Variants in SCAPER observed in about 807,000 individuals in gnomAD.
SCAPER encodes S-phase cyclin A associated protein in the ER, also known as S phase cyclin A-associated protein in the endoplasmic reticulum.
A neutral mutation model predicts 182.2 loss-of-function variants in SCAPER; 98 were observed. The observed-to-expected ratio is 0.54, with a 90% CI of 0.46 to 0.64. The LOEUF is 0.64. Among genes scored for constraint, SCAPER ranks in the 30% least tolerant of loss-of-function variants. The probability of loss-of-function intolerance (pLI) is 0.00; values close to 1 mark genes in which losing one functional copy is unlikely to be tolerated. For missense variants in SCAPER, 1,432 were observed against 1,690.0 expected, an observed-to-expected ratio of 0.85 and a Z score of 2.68; for synonymous variants, 605 against 564.6, an observed-to-expected ratio of 1.07 and a Z score of -1.01.
intron 4 of SCAPER, among the ~76,000 whole-genome samples, chr15:76,845,038 G>A (rs781676121): frequency 2.0e-5 from 3 of 152,118 alleles, no homozygotes; most frequent in African/African-American, 7.2e-5. Flanking sequence ...ATGACCAAGT[G>A]TGACTTATCC....
chr15:76,880,833 A>T (rs2073487023), intron 2 of SCAPER, among the ~76,000 whole-genome samples: 1 of 152,174 alleles, frequency 6.6e-6, no homozygotes, highest in Non-Finnish European at 1.5e-5. Flanking sequence ...ATAAAAGATA[A>T]ATCAAACATT....
chr15:76,444,978 A>T (rs953210269), intron 25 of SCAPER, among the ~76,000 whole-genome samples: 1 of 152,076 alleles, frequency 6.6e-6, no homozygotes, highest in Non-Finnish European at 1.5e-5. Flanking sequence ...GTTATTCTTT[A>T]TATCTTCTAT....
chr15:76,711,604 A>G lies in SCAPER; in HGVS notation c.2166-5620T>C, dbSNP rs74646182. 8.2e-3 allele frequency among the ~76,000 whole-genome samples: 1,241 copies of G among 152,120 alleles called. 13 individuals carry two copies. Among genetic ancestry groups the G allele is most frequent in the African/African-American group, 0.028 (1,177 of 41,548 alleles). The stretch of plus-strand genomic sequence containing the variant: ...ATGTAAAATGAACAAACACTATGAA[A>G]AAATAGTTTTTAATGATTGCCATTC... On this transcript the variant is annotated intron_variant, in intron 17 of 31. Coordinates refer to ENST00000563290, the MANE Select transcript of SCAPER (RefSeq NM_020843.4).
intron 8 of SCAPER, chr15:76,793,125 TG>T: frequency 1.5e-6 from 1 of 656,350 alleles, no homozygotes. Flanking sequence ...GAACATTAAA[TG>T]CATGTGGTCA....
intron 25 of SCAPER, among the ~76,000 whole-genome samples, chr15:76,452,874 G>A (rs762266443): frequency 1.3e-5 from 2 of 151,944 alleles, no homozygotes; most frequent in Admixed American, 1.3e-4. Context: ...AGAGTTGCCC[G>A]GGGTAGAATG....
At chr15:76,511,285 A>C (rs572671472) in intron 23 of SCAPER, among the ~76,000 whole-genome samples, 4 of 152,222 alleles carry the variant, frequency 2.6e-5, no homozygotes, top group Non-Finnish European at 5.9e-5. Flanking sequence ...TAAATAAAAT[A>C]GTAGATGCAA....
chr15:76,594,936 C>T (rs1291059854), intron 22 of SCAPER, among the ~76,000 whole-genome samples: 1 of 121,330 alleles, frequency 8.2e-6, no homozygotes, highest in Non-Finnish European at 2.0e-5. Context: ...GCAAGACAAC[C>T]AGCTAGAATA....
chr15:76,352,514 C>T (rs941402975), intron 30 of SCAPER, among the ~76,000 whole-genome samples: 1 of 146,512 alleles, frequency 6.8e-6, no homozygotes, highest in South Asian at 2.1e-4. Context: ...TGGAGTCTCG[C>T]TCTGTCACTC....
chr15:76,540,719 T>C (rs1487879019), intron 23 of SCAPER, among the ~76,000 whole-genome samples: 2 of 152,016 alleles, frequency 1.3e-5, no homozygotes, highest in East Asian at 1.9e-4. Flanking sequence ...ACATGTATTA[T>C]AGTAATAATA....
chr15:76,545,085 T>C (rs1361813734), intron 23 of SCAPER, among the ~76,000 whole-genome samples: 1 of 152,178 alleles, frequency 6.6e-6, no homozygotes, highest in Non-Finnish European at 1.5e-5. Flanking sequence ...CTTAGTACCC[T>C]AGAAACCTTC....
At chr15:76,498,774 A>C (rs1047407109) in intron 24 of SCAPER, among the ~76,000 whole-genome samples, 1 of 152,214 alleles carries the variant, frequency 6.6e-6, no homozygotes, top group Non-Finnish European at 1.5e-5. Flanking sequence ...AAGTAAAGTC[A>C]CAAGTTTTAC....
At chr15:76,716,936 A>T (rs554530943) in intron 17 of SCAPER, among the ~76,000 whole-genome samples, 36 of 152,084 alleles carry the variant, frequency 2.4e-4, no homozygotes, top group Non-Finnish European at 2.4e-4. Flanking sequence ...AAGCTCAAAG[A>T]TCTCAGATAA....
intron 24 of SCAPER, among the ~76,000 whole-genome samples, chr15:76,501,278 T>C (rs995069227): frequency 1.3e-5 from 2 of 149,594 alleles, no homozygotes; most frequent in Non-Finnish European, 3.0e-5. Flanking sequence ...CAAAACAACC[T>C]ACTGCAGACT....
At chr15:76,444,044 G>T (rs1429668285) in intron 25 of SCAPER, among the ~76,000 whole-genome samples, 1 of 152,178 alleles carries the variant, frequency 6.6e-6, no homozygotes, top group Non-Finnish European at 1.5e-5. Context: ...TTTTGAGAAG[G>T]TTAGCCAGAG....
At chr15:76,559,121 G>T (rs1191045578) in intron 23 of SCAPER, among the ~76,000 whole-genome samples, 1 of 151,154 alleles carries the variant, frequency 6.6e-6, no homozygotes, top group Non-Finnish European at 1.5e-5. Context: ...TTCAACCTCT[G>T]CCTCCCAGGT....
chr15:76,764,212 A>G (rs759373624), intron 14 of SCAPER, among the ~76,000 whole-genome samples: 17 of 152,212 alleles, frequency 1.1e-4, no homozygotes, highest in Non-Finnish European at 2.1e-4. Context: ...GGGGAAGTAC[A>G]ACAACTCTTG....
At chr15:76,776,265 T>C (rs577652174) in intron 8 of SCAPER, among the ~76,000 whole-genome samples, 10 of 152,018 alleles carry the variant, frequency 6.6e-5, no homozygotes, top group African/African-American at 2.4e-4. Context: ...GAAAAAAGGG[T>C]GGCCTAACAA....
At chr15:76,385,683 T>C (rs2043244933) in intron 27 of SCAPER, among the ~76,000 whole-genome samples, 1 of 152,174 alleles carries the variant, frequency 6.6e-6, no homozygotes, top group African/African-American at 2.4e-5. Flanking sequence ...GACAACATCA[T>C]TCATCAGGGT....
chr15:76,602,738 G>T (rs2050013297), intron 22 of SCAPER, among the ~76,000 whole-genome samples: 1 of 119,392 alleles, frequency 8.4e-6, no homozygotes, highest in African/African-American at 2.5e-5. Context: ...TTGTCCCACA[G>T]TTTCAGATAT....
Sources: gnomAD v4.1 joint callset for allele counts (sites outside exome capture counted in the v4.1 genomes callset) on GRCh38, gnomAD v4.1.1 for gene constraint, MANE v1.5 for transcripts, NCBI Gene and HGNC (gene_info 2026-07-23, HGNC 2026-07-21) for gene names.